PROCR: variants seen among roughly 807,000 people sequenced by gnomAD.
PROCR encodes the protein protein C receptor.
Under a neutral mutation model 24.2 loss-of-function variants are expected in PROCR, and 22 were observed. The ratio of observed to expected loss-of-function variants is 0.91; its 90% CI spans 0.65 to 1.30. PROCR has a LOEUF of 1.30. PROCR is among the 50% of genes most tolerant of loss of function. PROCR has a pLI of 0.00. For missense variants in PROCR, 288 were observed against 307.7 expected (o/e 0.94, Z 0.48); for synonymous variants, 137 against 139.2 (o/e 0.98, Z 0.11).
downstream of PROCR, among the ~76,000 whole-genome samples, chr20:35,178,507 G>GTTTTGTTTTTTTTTTTTT (rs1272557859): frequency 2.1e-3 from 72 of 34,374 alleles, 25 homozygotes; most frequent in African/African-American, 8.1e-3. Flanking sequence ...TCAAGTCTCA[G>GTTTTGTTTTTTTTTTTTT]TTTTTTTTTT....
chr20:35,175,098 T>C, intron 2 of PROCR, 145 bp downstream of exon 2: 1 of 997,344 alleles, frequency 1.0e-6, no homozygotes, highest in Non-Finnish European at 1.4e-6. Flanking sequence ...GCCTGGGCCT[T>C]TGAAGATTGC....
At chr20:35,173,524 G>C (rs947139503) in intron 1 of PROCR, among the ~76,000 whole-genome samples, 5 of 145,538 alleles carry the variant, frequency 3.4e-5, no homozygotes, top group African/African-American at 1.3e-4. Context: ...CCAACTCCCA[G>C]GTTCAGGCGA....
Position 35,172,233 on chromosome 20 carries a change from G to C in PROCR, c.70+9G>C, listed in dbSNP as rs757673520. 6.2e-7 allele frequency: 1 copy of C among 1,614,012 alleles called. No individual in the cohort carries two copies. The highest frequency in any genetic ancestry group is 1.1e-5 in the South Asian group (1 of 91,080). On this transcript the variant is annotated intron_variant, in intron 1 of 3. Coordinates refer to ENST00000216968, the MANE Select transcript of PROCR (RefSeq NM_006404.5). ...CCAAGACGCCTCAGATGGTGAGTCGGGGGCACATCTCCTGCCTCAGGATGG... is the reference window on the plus strand; with the variant it reads ...CCAAGACGCCTCAGATGGTGAGTCGCGGGCACATCTCCTGCCTCAGGATGG...
downstream of PROCR, among the ~76,000 whole-genome samples, chr20:35,179,722 T>C (rs945409574): frequency 3.9e-5 from 6 of 152,210 alleles, no homozygotes; most frequent in Admixed American, 6.5e-5. Context: ...CTACTTCTGA[T>C]GTTTACTGTT....
chr20:35,214,004 G>A (rs2060371582), intron 1 of PROCR, among the ~76,000 whole-genome samples: 1 of 151,978 alleles, frequency 6.6e-6, no homozygotes, highest in South Asian at 2.1e-4. Context: ...CAACCCAGGA[G>A]GCAGAGGTTT....
In PROCR at chr20:35,176,341, C is replaced by A. The variant is rs897396920; in HGVS notation, c.496C>A (p.Gln166Lys). 7 of 1,614,238 alleles carry A rather than the reference C, an allele frequency of 4.3e-6. No homozygotes were observed. Among genetic ancestry groups the A allele is most frequent in the Non-Finnish European group, 5.9e-6 (7 of 1,180,044 alleles). Residue 166 changes from glutamine to lysine, a missense_variant, in exon 3 of 4, where the codon CAG (glutamine) becomes AAG (lysine). Coordinates refer to ENST00000216968, the MANE Select transcript of PROCR (RefSeq NM_006404.5). ...VTSGVVTFTL[Q>K]QLNAYNRTRY... The stretch of plus-strand genomic sequence containing the variant: ...CTCCGGAGTGGTCACCTTCACCCTG[C>A]AGCAGCTCAATGCCTACAACCGCAC...
rs75943776 is a variant in PROCR, at chr20:35,174,308, G to A, written c.71-394G>A. On this transcript the variant is annotated intron_variant, in intron 1 of 3. Coordinates refer to ENST00000216968, the MANE Select transcript of PROCR (RefSeq NM_006404.5). The stretch of plus-strand genomic sequence containing the variant: ...GTTACTACCCCAGTCTAGATGAGAC[G>A]GATGAATCCTGAATCAGGGCAGTGG... The A allele has an allele frequency of 2.0e-3, 610 of 309,820 alleles. 10 individuals are homozygous for A. The East Asian group carries it at 0.037, about 19-fold the overall frequency. 19.2% of individuals were successfully genotyped at this position (309,820 alleles called of 1,614,324 possible).
At chr20:35,205,440 T>G (rs989131606) in intron 1 of PROCR, among the ~76,000 whole-genome samples, 3 of 140,032 alleles carry the variant, frequency 2.1e-5, no homozygotes, top group African/African-American at 7.7e-5. Context: ...AGAAGGAAAC[T>G]TCGTTAATCC....
intron 1 of PROCR, among the ~76,000 whole-genome samples, chr20:35,189,193 G>A (rs933474021): frequency 4.6e-5 from 7 of 151,648 alleles, no homozygotes; most frequent in Admixed American, 1.3e-4. Context: ...AAATGGGTAA[G>A]AGAAATATAG....
chr20:35,204,823 GA>G (rs1310315281), intron 1 of PROCR, among the ~76,000 whole-genome samples: 1 of 152,058 alleles, frequency 6.6e-6, no homozygotes. Flanking sequence ...AAGATAACAA[GA>G]AAACTATAGA....
chr20:35,189,097 C>T (rs750217664), intron 1 of PROCR, among the ~76,000 whole-genome samples: 7 of 152,104 alleles, frequency 4.6e-5, no homozygotes, highest in African/African-American at 1.7e-4. Flanking sequence ...AGGATAACAG[C>T]GACGTTCAGG....
downstream of PROCR, among the ~76,000 whole-genome samples, chr20:35,179,967 C>G (rs11907011): frequency 6.6e-6 from 1 of 151,996 alleles, no homozygotes; most frequent in South Asian, 2.1e-4. Context: ...TCCTGTTGGC[C>G]GGGCATGATG....
rs148416428 is a variant in PROCR, at chr20:35,192,720, CTCTT to C, written c.94+16278_94+16281del. Among the ~76,000 whole-genome samples, 1,311 of 152,224 alleles carry C rather than the reference CTCTT, an allele frequency of 8.6e-3. 13 individuals are homozygous for C. Among genetic ancestry groups the C allele is most frequent in the African/African-American group, 0.026 (1,083 of 41,524 alleles). On this transcript the variant is annotated intron_variant, in intron 1 of 1. Transcript: ENST00000634509. ...TGTCTTATCTATGTTTTACTGTCTG[CTCTT>C]TCTATTTGTACTTAGAAGAGAGTGA...
At chr20:35,183,812 T>C (rs1269352657) in intron 1 of PROCR, among the ~76,000 whole-genome samples, 1 of 152,170 alleles carries the variant, frequency 6.6e-6, no homozygotes. Context: ...ATTTTAGACA[T>C]TTCTTAAAGA....
At chr20:35,185,030 C>CAAAAAAAAAAAAAA (rs55715132) in intron 1 of PROCR, among the ~76,000 whole-genome samples, 3 of 104,104 alleles carry the variant, frequency 2.9e-5, no homozygotes, top group Admixed American at 1.1e-4. Context: ...ATCAGTAAGA[C>CAAAAAAAAAAAAAA]AAAAAAAAAA....
chr20:35,200,809 G>A (rs144194756), intron 1 of PROCR, among the ~76,000 whole-genome samples: 2,948 of 152,042 alleles, frequency 0.019, 79 homozygotes, highest in African/African-American at 0.057. Context: ...CACCATGCCC[G>A]GCTAATTTTT....
At chr20:35,174,288 T>C (rs1176613226) in intron 1 of PROCR, 1 of 243,366 alleles carries the variant, frequency 4.1e-6, no homozygotes, top group Non-Finnish European at 8.3e-6. Flanking sequence ...AGAAAGTTAC[T>C]ACCCCAGTCT....
At chr20:35,172,427 G>A (rs1365340149) in intron 1 of PROCR, among the ~76,000 whole-genome samples, 1 of 152,152 alleles carries the variant, frequency 6.6e-6, no homozygotes, top group African/African-American at 2.4e-5. Flanking sequence ...CCCCTGAAAA[G>A]GGGGAGATGA....
At chr20:35,178,108 G>A (rs1280156114), downstream of PROCR, among the ~76,000 whole-genome samples, 1 of 151,864 alleles carries the variant, frequency 6.6e-6, no homozygotes, top group East Asian at 1.9e-4. Flanking sequence ...ATCTTTAAGA[G>A]CATGTGTTTT....
Sources: allele counts gnomAD v4.1 joint callset (sites outside exome capture counted in the v4.1 genomes callset), GRCh38; gene constraint gnomAD v4.1.1; transcripts MANE v1.5; gene names NCBI Gene and HGNC (gene_info 2026-07-23, HGNC 2026-07-21).